Variants in SPG7 observed in about 807,000 individuals in gnomAD.
SPG7 encodes SPG7 matrix AAA peptidase subunit, paraplegin.
In SPG7, 103 loss-of-function variants were observed where a neutral mutation model predicts 81.9. The observed-to-expected ratio is 1.26, with a 90% CI of 1.07 to 1.48. The LOEUF is 1.48. Ranked by LOEUF, SPG7 falls within the 40% of genes most tolerant of loss-of-function variation. The pLI, the probability that SPG7 is intolerant of heterozygous loss-of-function variation, is 0.00. For synonymous variants in SPG7, 534 were observed against 444.2 expected, an observed-to-expected ratio of 1.20 and a Z score of -2.54; for missense variants, 1,241 against 1,087.3, an observed-to-expected ratio of 1.14 and a Z score of -1.99.
intron 9 of SPG7, chr16:89,540,868 G>A (rs2058485931): frequency 1.0e-6 from 1 of 978,538 alleles, no homozygotes; most frequent in African/African-American, 1.8e-5. Flanking sequence ...TCATTTACCT[G>A]TAATAGCTAA....
At chr16:89,554,716 ACGTGTTC>A (rs1597666154) in intron 16 of SPG7, 153 bp downstream of exon 16, 4 of 658,096 alleles carry the variant, frequency 6.1e-6, no homozygotes, top group Non-Finnish European at 1.1e-5. Flanking sequence ...ACTGAAACTT[ACGTGTTC>A]CATACTTTTT....
chr16:89,523,964 C>T (rs555109768), intron 3 of SPG7, 42 bp from the exon 4 acceptor site: 18 of 1,607,200 alleles, frequency 1.1e-5, no homozygotes, highest in South Asian at 4.4e-5. Flanking sequence ...GTGTCTGTTG[C>T]TCATGTGTTT....
At chr16:89,550,463 G>A (rs771952163) in intron 12 of SPG7, 31 bp from the exon 13 acceptor site, 24 of 1,519,382 alleles carry the variant, frequency 1.6e-5, no homozygotes, top group Admixed American at 5.0e-5. Context: ...GTGAGCCACC[G>A]CGCCCAACTC....
Position 89,510,517 on chromosome 16 carries a change from A to G in SPG7, c.211A>G (p.Thr71Ala), listed in dbSNP as rs753973274. The change falls in exon 2 of 17, where the codon ACC becomes GCC. Residue 71 changes from threonine (T) to alanine (A), a missense_variant. Thr to Ala is a moderately conservative substitution (Grantham distance 58). Coordinates refer to ENST00000645818, the MANE Select transcript of SPG7 (RefSeq NM_003119.4). The stretch of plus-strand genomic sequence containing the variant: ...CTTACAATTGAGACTGCTAACCCCT[A>G]CCTTTGAAGGGATCAACGGATTGTT... ...QSLQLRLLTP[T>A]FEGINGLLLK... 6.9e-6 allele frequency: 11 copies of G among 1,604,742 alleles called. No individual in the cohort carries two copies. The highest frequency in any genetic ancestry group is 2.2e-5 in the East Asian group (1 of 44,734).
At chr16:89,525,587 T>A (rs2058249339) in intron 4 of SPG7, among the ~76,000 whole-genome samples, 2 of 152,210 alleles carry the variant, frequency 1.3e-5, no homozygotes, top group Non-Finnish European at 2.9e-5. Flanking sequence ...CAAGTCCGTC[T>A]GTGTCCTCCC....
chr16:89,544,066 T>G (rs534041513), intron 9 of SPG7: 1 of 176,802 alleles, frequency 5.7e-6, no homozygotes, highest in South Asian at 1.2e-4. Context: ...GAGCATCCAG[T>G]CAGGTGTTCC....
At chr16:89,547,847 A>G (rs1292578693) in intron 11 of SPG7, 156 bp from the exon 12 acceptor site, 14 of 692,532 alleles carry the variant, frequency 2.0e-5, no homozygotes, top group Middle Eastern at 2.4e-4. Context: ...TCCTGACCTC[A>G]GGTGATCTGC....
At position 89,529,377 on chromosome 16, in the gene SPG7, C is replaced by T. The variant is rs891427647; in HGVS notation, c.759-100C>T. 5.1e-6 allele frequency: 4 copies of T among 783,642 alleles called. No individual in the cohort carries two copies. In the African/African-American group the frequency reaches 6.8e-5, roughly 13 times the overall value. The allele number at this position is 783,642 out of a possible 1,614,324, so 48.5% of individuals were successfully genotyped here. On this transcript the variant is annotated intron_variant, in intron 5 of 16. Transcript: ENST00000645818. ...GGTCCCAGACGTAGGGATTCCTCGT[C>T]TCATCTTGGAAACATTGCCAGCAGT...
At position 89,532,544 on chromosome 16, in the gene SPG7, ACGCGGTGGGCAAGAAGCGC is replaced by A; in HGVS notation, c.1233_1251del (p.Ala412ProfsTer21). 1 of 1,613,746 alleles carries A rather than the reference ACGCGGTGGGCAAGAAGCGC, an allele frequency of 6.2e-7. No homozygotes were observed. The highest frequency in any genetic ancestry group is 8.5e-7 in the Non-Finnish European group (1 of 1,180,034). On this transcript the variant is annotated frameshift_variant, in exon 9 of 17. Transcript: ENST00000645818. LOFTEE classifies it high-confidence loss of function. Reference sequence around the variant, plus strand: ...TGCATCGTCTACATCGATGAGATCGACGCGGTGGGCAAGAAGCGCTCCACCACCATGTCCGGCTTCTCCA... The same window carrying A: ...TGCATCGTCTACATCGATGAGATCGATCCACCACCATGTCCGGCTTCTCCA...
chr16:89,530,600 C>G, intron 6 of SPG7, 83 bp from the exon 7 acceptor site: 3 of 1,561,798 alleles, frequency 1.9e-6, no homozygotes, highest in South Asian at 1.1e-5. Flanking sequence ...TGGGGCGGCT[C>G]AGGTGCGTGG....
At chr16:89,546,811 G>A in intron 11 of SPG7, 51 bp downstream of exon 11, 1 of 1,251,094 alleles carries the variant, frequency 8.0e-7, no homozygotes, top group Non-Finnish European at 1.2e-6. Context: ...AGGGCAGGTG[G>A]TGTCACCTGC....
chr16:89,514,231 C>T (rs1690938309), intron 3 of SPG7: 1 of 146,844 alleles, frequency 6.8e-6, no homozygotes, highest in Admixed American at 6.8e-5. Context: ...TCTGAATCTT[C>T]ATACAAAATT....
intron 13 of SPG7, chr16:89,551,631 T>G (rs2058635013): frequency 6.6e-6 from 1 of 152,132 alleles, no homozygotes; most frequent in Non-Finnish European, 1.5e-5. Flanking sequence ...GAAATCAAAA[T>G]TAATGCAGGG....
At position 89,508,616 on chromosome 16, in the gene SPG7, G is replaced by A; in HGVS notation, c.183+16G>A. ...AGCTCTGCAGGTAAATCCCCGCGGA[G>A]TCCGGGCCCCACCTCCCGCCCGGCT... On this transcript the variant is annotated intron_variant, in intron 1 of 16. Transcript: ENST00000645818. 6.9e-7 allele frequency: 1 copy of A among 1,443,634 alleles called. No homozygotes were observed. Among genetic ancestry groups the A allele is most frequent in the Middle Eastern group, 2.4e-4 (1 of 4,094 alleles). 89.4% of individuals were successfully genotyped at this position (1,443,634 alleles called of 1,614,324 possible).
At chr16:89,514,854 T>A (rs1304537038) in intron 3 of SPG7, among the ~76,000 whole-genome samples, 1 of 151,920 alleles carries the variant, frequency 6.6e-6, no homozygotes, top group African/African-American at 2.4e-5. Flanking sequence ...GGTCTCAAAC[T>A]CCTGACCTCA....
At chr16:89,539,918 T>C in intron 9 of SPG7, 1 of 152,212 alleles carries the variant, frequency 6.6e-6, no homozygotes, top group Non-Finnish European at 1.5e-5. Flanking sequence ...ATCCATGATC[T>C]TATTTTAAGT....
At chr16:89,536,966 G>A (rs1290392301) in intron 9 of SPG7, 29 of 1,613,888 alleles carry the variant, frequency 1.8e-5, no homozygotes, top group South Asian at 4.4e-5. Context: ...TATATCAAAC[G>A]ATCTTCTCCA....
chr16:89,544,446 G>T (rs2152409028), intron 9 of SPG7: 1 of 602,784 alleles, frequency 1.7e-6, no homozygotes, highest in Non-Finnish European at 3.0e-6. Flanking sequence ...GTCAAAATAG[G>T]CAAATTCCTG....
At chr16:89,509,786 C>CTTTTTTT (rs34140158) in intron 1 of SPG7, among the ~76,000 whole-genome samples, 3 of 95,130 alleles carry the variant, frequency 3.2e-5, no homozygotes, top group South Asian at 4.1e-4. Context: ...TTGTTTTCTT[C>CTTTTTTT]TTTTTTTTTT....
Sources: gnomAD v4.1 joint callset for allele counts (sites outside exome capture counted in the v4.1 genomes callset) on GRCh38, gnomAD v4.1.1 for gene constraint, MANE v1.5 for transcripts, NCBI Gene and HGNC (gene_info 2026-07-23, HGNC 2026-07-21) for gene names.